Variants in ZNF782 observed in about 807,000 individuals in gnomAD.
The protein encoded by ZNF782 is zinc finger protein 782.
ZNF782 carries 12 observed loss-of-function variants against 13.0 expected under a neutral mutation model. That is an observed-to-expected ratio of 0.92 (90% CI 0.59 to 1.50). The LOEUF (loss-of-function observed/expected upper bound fraction) is 1.50. Among genes scored for constraint, ZNF782 ranks in the 40% most tolerant of loss-of-function variants. The probability of loss-of-function intolerance (pLI) is 0.00; values close to 1 mark genes in which losing one functional copy is unlikely to be tolerated. For synonymous variants in ZNF782, 284 were observed against 283.0 expected (o/e 1.00, Z -0.04); for missense variants, 770 against 822.9 (o/e 0.94, Z 0.79).
At position 96,819,121 on chromosome 9, in the gene ZNF782, C is replaced by T; in HGVS notation, c.902G>A (p.Arg301Lys). The T allele has an allele frequency of 6.2e-7, 1 of 1,613,952 alleles. No individual in the cohort carries two copies. Among genetic ancestry groups the T allele is most frequent in the Non-Finnish European group, 8.5e-7 (1 of 1,180,006 alleles). ...CCCTATATGAACTCTATGATGTTCTCTAATGTGTGACTTTTGGCTGAAGGA... is the reference window on the plus strand; with the variant it reads ...CCCTATATGAACTCTATGATGTTCTTTAATGTGTGACTTTTGGCTGAAGGA... ...GKSFSQKSHI[R>K]EHHRVHIGVK... Residue 301 changes from arginine (R) to lysine (K), a missense_variant, in exon 6 of 6, where the codon AGA becomes AAA. Transcript: ENST00000481138.
At chr9:96,816,261 A>G (rs1004186890), downstream of ZNF782, among the ~76,000 whole-genome samples, 2 of 152,244 alleles carry the variant, frequency 1.3e-5, no homozygotes, top group Non-Finnish European at 2.9e-5. Context: ...GGAATGTGGT[A>G]TCAGATATTT....
At chr9:96,820,242 C>T (rs1210521451) in intron 5 of ZNF782, among the ~76,000 whole-genome samples, 1 of 152,158 alleles carries the variant, frequency 6.6e-6, no homozygotes, top group African/African-American at 2.4e-5. Context: ...GATTCTTATA[C>T]AAATATAAAT....
chr9:96,883,877 A>T, the ZNF782 span, among the ~76,000 whole-genome samples: 1 of 152,208 alleles, frequency 6.6e-6, no homozygotes, highest in Non-Finnish European at 1.5e-5. Context: ...CTCATATGCC[A>T]TGGACAGGGC....
the ZNF782 span, among the ~76,000 whole-genome samples, chr9:96,896,622 T>C: frequency 2.0e-5 from 3 of 152,202 alleles, no homozygotes. Context: ...TTAGGCCCTC[T>C]TTGGATTTTA....
At chr9:96,864,716 T>C (rs1851737241) in intron 1 of ZNF782, among the ~76,000 whole-genome samples, 1 of 152,092 alleles carries the variant, frequency 6.6e-6, no homozygotes, top group African/African-American at 2.4e-5. Flanking sequence ...GTAAGATTAC[T>C]CTAGTTTTAT....
At chr9:96,918,303 G>A in the ZNF782 span, among the ~76,000 whole-genome samples, 1 of 147,914 alleles carries the variant, frequency 6.8e-6, no homozygotes, top group African/African-American at 2.5e-5. Flanking sequence ...TGGGAAGCTT[G>A]GGAAGCTGAG....
At chr9:96,887,803 T>G in the ZNF782 span, 1 of 151,872 alleles carries the variant, frequency 6.6e-6, no homozygotes, top group Non-Finnish European at 1.5e-5. Flanking sequence ...ATTAAGAAAA[T>G]GTGGCACATA....
intron 3 of ZNF782, among the ~76,000 whole-genome samples, chr9:96,848,891 T>C (rs1419815726): frequency 6.6e-6 from 1 of 151,932 alleles, no homozygotes; most frequent in Non-Finnish European, 1.5e-5. Flanking sequence ...AAAGAACAAA[T>C]CTGGAGGCAC....
At chr9:96,933,346 G>A in the ZNF782 span, among the ~76,000 whole-genome samples, 11 of 151,580 alleles carry the variant, frequency 7.3e-5, no homozygotes, top group Admixed American at 5.3e-4. Flanking sequence ...TTGGTGTGAC[G>A]TGAGCCACGG....
the ZNF782 span, among the ~76,000 whole-genome samples, chr9:96,896,239 C>G: frequency 6.6e-6 from 1 of 152,130 alleles, no homozygotes; most frequent in African/African-American, 2.4e-5. Flanking sequence ...CCACCAGAAA[C>G]AGTTTGGTTT....
the ZNF782 span, chr9:96,888,341 G>A: frequency 6.6e-6 from 1 of 152,016 alleles, no homozygotes; most frequent in Non-Finnish European, 1.5e-5. Context: ...AATTTACTAT[G>A]AAGACAAAAT....
chr9:96,833,927 G>C (rs1387582013), intron 4 of ZNF782, among the ~76,000 whole-genome samples: 1 of 152,110 alleles, frequency 6.6e-6, no homozygotes, highest in Non-Finnish European at 1.5e-5. Flanking sequence ...TTTGGCTACT[G>C]GGAGATCTTT....
the ZNF782 span, chr9:96,891,191 G>A: frequency 6.6e-6 from 1 of 152,144 alleles, no homozygotes; most frequent in African/African-American, 2.4e-5. Flanking sequence ...TAAAAAATCT[G>A]TGGAAATGAA....
upstream of ZNF782, among the ~76,000 whole-genome samples, chr9:96,876,971 A>AAAAAAAAAG (rs1851900809): frequency 1.6e-5 from 2 of 128,038 alleles, no homozygotes; most frequent in South Asian, 2.3e-4. Context: ...AAAAAAAAAA[A>AAAAAAAAAG]AAGAAGAAGA....
the ZNF782 span, among the ~76,000 whole-genome samples, chr9:96,905,444 AC>A: frequency 3.0e-4 from 46 of 151,956 alleles, no homozygotes; most frequent in South Asian, 9.4e-3. Flanking sequence ...GGAACTGCCC[AC>A]CCCTTTCCCA....
chr9:96,884,088 G>C, the ZNF782 span, among the ~76,000 whole-genome samples: 4 of 152,212 alleles, frequency 2.6e-5, no homozygotes, highest in Non-Finnish European at 5.9e-5. Flanking sequence ...GCAAGCAAGG[G>C]AACTCTGATT....
At chr9:96,901,702 G>A in the ZNF782 span, among the ~76,000 whole-genome samples, 4 of 150,734 alleles carry the variant, frequency 2.7e-5, no homozygotes, top group African/African-American at 4.9e-5. Context: ...GTGAAACATC[G>A]TCTCTACTAA....
At position 96,844,913 on chromosome 9, in the gene ZNF782, T is replaced by C. The variant is rs1851300175; in HGVS notation, c.119A>G (p.Asn40Ser). Residue 40 changes from asparagine to serine, a missense_variant, in exon 4 of 6, where the codon AAC becomes AGC. Physicochemically the swap from Asn to Ser is conservative, Grantham distance 46. Coordinates refer to ENST00000481138, the MANE Select transcript of ZNF782 (RefSeq NM_001001662.3). ...RTLYRDVMLE[N>S]YSHLVSVGYC... The stretch of plus-strand genomic sequence containing the variant: ...ACCCACTGAGACGAGGTGGCTGTAG[T>C]TCTCCAGCATCACATCTCTGTACAG... 1 of 1,613,716 alleles carries C rather than the reference T, an allele frequency of 6.2e-7. No individual in the cohort carries two copies. The highest frequency in any genetic ancestry group is 8.5e-7 in the Non-Finnish European group (1 of 1,179,884).
At chr9:96,840,574 T>C (rs915156257) in intron 4 of ZNF782, among the ~76,000 whole-genome samples, 23 of 152,224 alleles carry the variant, frequency 1.5e-4, no homozygotes, top group Non-Finnish European at 2.9e-4. Context: ...ATTGAATAAC[T>C]TGAGAACTGC....
Sources: gnomAD v4.1 joint callset for allele counts (sites outside exome capture counted in the v4.1 genomes callset) on GRCh38, gnomAD v4.1.1 for gene constraint, MANE v1.5 for transcripts, NCBI Gene and HGNC (gene_info 2026-07-23, HGNC 2026-07-21) for gene names.